Variants in LRGUK observed in about 807,000 individuals in gnomAD.
The protein encoded by LRGUK is leucine rich repeats and guanylate kinase domain containing.
Under a neutral mutation model 76.0 loss-of-function variants are expected in LRGUK, and 65 were observed. The ratio of observed to expected loss-of-function variants is 0.85; its 90% CI spans 0.70 to 1.05. The LOEUF is 1.05. Ranked by LOEUF, LRGUK falls within the 50% of genes least tolerant of loss-of-function variation. The probability of loss-of-function intolerance (pLI) is 0.00; values close to 1 mark genes in which losing one functional copy is unlikely to be tolerated. For synonymous variants in LRGUK, 268 were observed against 265.6 expected (o/e 1.01, Z -0.09); for missense variants, 758 against 732.8 (o/e 1.03, Z -0.40).
chr7:134,163,611 C>G, intron 7 of LRGUK, 71 bp downstream of exon 7: 1 of 1,360,606 alleles, frequency 7.3e-7, no homozygotes, highest in South Asian at 2.1e-5. Context: ...TTAGCACACA[C>G]CCTTCATTTT....
chr7:134,268,839 C>T (rs1408441557), downstream of LRGUK, among the ~76,000 whole-genome samples: 3 of 130,538 alleles, frequency 2.3e-5, no homozygotes, highest in Non-Finnish European at 3.5e-5. Context: ...ACGCCATTCT[C>T]CTGCCTCAGC....
chr7:134,150,345 C>T (rs1285073847), intron 5 of LRGUK, among the ~76,000 whole-genome samples: 1 of 151,934 alleles, frequency 6.6e-6, no homozygotes, highest in Non-Finnish European at 1.5e-5. Context: ...GCCTGTAGTC[C>T]CAGCTACTCA....
At chr7:134,259,685 A>G (rs1802670491) in intron 19 of LRGUK, among the ~76,000 whole-genome samples, 1 of 152,208 alleles carries the variant, frequency 6.6e-6, no homozygotes, top group Admixed American at 6.5e-5. Context: ...TGACTCATGC[A>G]GGACACAAGC....
At chr7:134,189,749 G>T (rs116424349) in intron 11 of LRGUK, among the ~76,000 whole-genome samples, 3,028 of 152,286 alleles carry the variant, frequency 0.02, 77 homozygotes, top group African/African-American at 0.063. Flanking sequence ...TAGACAGAGG[G>T]TGTCAGGTCT....
chr7:134,219,708 C>CTG (rs1801529155), intron 15 of LRGUK, among the ~76,000 whole-genome samples: 1 of 151,938 alleles, frequency 6.6e-6, no homozygotes, highest in African/African-American at 2.4e-5. Context: ...CTCTCTCTCT[C>CTG]TGTCTCTCTC....
At chr7:134,263,975 GAC>G in exon 20 of LRGUK, 1 of 1,606,156 alleles carries the variant, frequency 6.2e-7, no homozygotes, top group Non-Finnish European at 8.5e-7. Flanking sequence ...GCCGCAGGTA[GAC>G]TAGCACTTGA....
intron 4 of LRGUK, among the ~76,000 whole-genome samples, chr7:134,144,672 C>T (rs924577624): frequency 1.3e-5 from 2 of 152,052 alleles, no homozygotes; most frequent in Non-Finnish European, 2.9e-5. Context: ...ATATGAAAAT[C>T]TGTTTGAAAT....
intron 7 of LRGUK, among the ~76,000 whole-genome samples, chr7:134,167,072 G>A (rs936653823): frequency 2.6e-5 from 4 of 152,158 alleles, no homozygotes; most frequent in African/African-American, 4.8e-5. Context: ...ATTGATGCTC[G>A]CGTGATCAGA....
intron 19 of LRGUK, among the ~76,000 whole-genome samples, chr7:134,260,407 T>A (rs1802692585): frequency 2.6e-5 from 4 of 152,236 alleles, no homozygotes; most frequent in Non-Finnish European, 5.9e-5. Flanking sequence ...CACACTTTTC[T>A]GTTTGTTTGT....
intron 18 of LRGUK, among the ~76,000 whole-genome samples, chr7:134,256,869 G>T (rs902174619): frequency 6.6e-6 from 1 of 152,216 alleles, no homozygotes; most frequent in Non-Finnish European, 1.5e-5. Flanking sequence ...AACAGGGCAG[G>T]TCCAGATCTT....
intron 13 of LRGUK, among the ~76,000 whole-genome samples, chr7:134,197,755 T>C (rs1800566541): frequency 6.6e-6 from 1 of 152,220 alleles, no homozygotes; most frequent in South Asian, 2.1e-4. Flanking sequence ...AATTAGAGTA[T>C]ATAGAAGCTT....
Position 134,200,413 on chromosome 7 carries a change from G to A in LRGUK, c.1747+992G>A, listed in dbSNP as rs141905445. On this transcript the variant is annotated intron_variant, in intron 14 of 15. Transcript: ENST00000645682. Reference sequence around the variant, plus strand: ...TGAGAAAATTCTCTGTGTCTAGATAGGGAAATATCTTCAAGACATACAGTT... The same window carrying A: ...TGAGAAAATTCTCTGTGTCTAGATAAGGAAATATCTTCAAGACATACAGTT... Among the ~76,000 whole-genome samples, 294 of 152,142 alleles carry A rather than the reference G, an allele frequency of 1.9e-3. 1 individual carries two copies. The highest frequency in any genetic ancestry group is 6.5e-3 in the African/African-American group (269 of 41,510).
chr7:134,150,118 A>G (rs962130903), intron 5 of LRGUK, among the ~76,000 whole-genome samples: 11 of 151,986 alleles, frequency 7.2e-5, no homozygotes, highest in African/African-American at 2.7e-4. Flanking sequence ...TACTAAAAAT[A>G]CAAAAAATTA....
intron 16 of LRGUK, among the ~76,000 whole-genome samples, chr7:134,233,430 A>C (rs1045509904): frequency 1.3e-5 from 2 of 152,250 alleles, no homozygotes; most frequent in Non-Finnish European, 2.9e-5. Context: ...TGACCAATTC[A>C]TTGAGAGACA....
chr7:134,132,433 A>T (rs1347919446), intron 1 of LRGUK, among the ~76,000 whole-genome samples: 4 of 152,192 alleles, frequency 2.6e-5, no homozygotes, highest in African/African-American at 9.7e-5. Flanking sequence ...AAAAGTGCTC[A>T]TTCATTTTGC....
chr7:134,130,574 T>G (rs1234099714), intron 1 of LRGUK, among the ~76,000 whole-genome samples: 1 of 152,236 alleles, frequency 6.6e-6, no homozygotes, highest in Non-Finnish European at 1.5e-5. Flanking sequence ...ATATGCTAAA[T>G]AAACTGAAAC....
At chr7:134,188,030 A>C (rs532935298) in intron 11 of LRGUK, among the ~76,000 whole-genome samples, 61 of 152,362 alleles carry the variant, frequency 4.0e-4, no homozygotes, top group Middle Eastern at 6.8e-3. Flanking sequence ...GTTTATACAC[A>C]TGTGACAAAT....
chr7:134,181,464 G>A (rs928128950), intron 10 of LRGUK, among the ~76,000 whole-genome samples: 4 of 150,700 alleles, frequency 2.7e-5, no homozygotes, highest in Non-Finnish European at 4.4e-5. Flanking sequence ...ACTATGTCCT[G>A]GTTTAGTTCT....
chr7:134,256,937 A>G (rs1353625778), intron 18 of LRGUK, among the ~76,000 whole-genome samples: 1 of 152,210 alleles, frequency 6.6e-6, no homozygotes, highest in Non-Finnish European at 1.5e-5. Flanking sequence ...ATGACTTGAT[A>G]AATGAGTGAC....
Sources: gnomAD v4.1 joint callset for allele counts (sites outside exome capture counted in the v4.1 genomes callset) on GRCh38, gnomAD v4.1.1 for gene constraint, MANE v1.5 for transcripts, NCBI Gene and HGNC (gene_info 2026-07-23, HGNC 2026-07-21) for gene names.